The following SDK1 variants were observed in gnomAD, a reference collection of about 807,000 sequenced individuals.
SDK1 encodes the protein sidekick cell adhesion molecule 1.
SDK1 carries 157 observed loss-of-function variants against 245.5 expected under a neutral mutation model. That is an observed-to-expected ratio of 0.64 (90% CI 0.56 to 0.73). The LOEUF (loss-of-function observed/expected upper bound fraction) is 0.73, where lower values mean the gene tolerates loss of function less well. SDK1 is among the 30% of genes least tolerant of loss of function. The pLI is 0.00. For synonymous variants in SDK1, 1,647 were observed against 1,278.5 expected, an observed-to-expected ratio of 1.29 and a Z score of -6.15; for missense variants, 3,583 against 3,002.3, an observed-to-expected ratio of 1.19 and a Z score of -4.52.
At chr7:4,004,599 C>T (rs1310233965) in intron 14 of SDK1, among the ~76,000 whole-genome samples, 2 of 152,140 alleles carry the variant, frequency 1.3e-5, no homozygotes, top group Non-Finnish European at 2.9e-5. Context: ...GTACTAAATA[C>T]ACACAAAAAT....
chr7:4,267,827 C>G lies in SDK1; in HGVS notation c.*2443C>G. Reference sequence around the variant, plus strand: ...GGCCTGTCCGAGGCTACGCCGGCCTCCTGGCTGCTGCTGGACTGTGCTTAG... The same window carrying G: ...GGCCTGTCCGAGGCTACGCCGGCCTGCTGGCTGCTGCTGGACTGTGCTTAG... On this transcript the variant is annotated 3_prime_UTR_variant, in exon 45 of 45. Transcript: ENST00000404826. The G allele has an allele frequency of 3.0e-6, 3 of 985,638 alleles. No individual in the cohort carries two copies. Among genetic ancestry groups the G allele is most frequent in the Non-Finnish European group, 3.6e-6 (3 of 830,088 alleles). The allele number at this position is 985,638 out of a possible 1,614,324, so 61.1% of individuals were successfully genotyped here. A position where few individuals can be genotyped will look rare whatever the true frequency, so the allele number is the denominator to read the frequency against.
At chr7:3,540,269 T>C (rs1162610581) in intron 1 of SDK1, among the ~76,000 whole-genome samples, 1 of 152,172 alleles carries the variant, frequency 6.6e-6, no homozygotes, top group Non-Finnish European at 1.5e-5. Context: ...TAGCCAGACA[T>C]GGTTGCAGTC....
At position 3,875,369 on chromosome 7, in the gene SDK1, A is replaced by G. The variant is rs557137626; in HGVS notation, c.847+53786A>G. ...AAGTTTGCTGTAGCCAGTTTCTGCC[A>G]CTTACCTTTTAAGTCACTCTCAGAA... On this transcript the variant is annotated intron_variant, in intron 5 of 44. Transcript: ENST00000404826. Among the ~76,000 whole-genome samples, 328 of 152,318 alleles carry G rather than the reference A, an allele frequency of 2.2e-3. 1 individual carries two copies. Among genetic ancestry groups the G allele is most frequent in the African/African-American group, 7.6e-3 (317 of 41,574 alleles).
At chr7:4,089,093 A>G (rs6942675) in intron 22 of SDK1, among the ~76,000 whole-genome samples, 29 of 137,808 alleles carry the variant, frequency 2.1e-4, no homozygotes, top group South Asian at 1.3e-3. Flanking sequence ...AGGCGGAGGT[A>G]AGACCCTCTC....
At chr7:4,211,433 G>A (rs1784507104) in intron 38 of SDK1, among the ~76,000 whole-genome samples, 1 of 152,056 alleles carries the variant, frequency 6.6e-6, no homozygotes, top group Non-Finnish European at 1.5e-5. Flanking sequence ...GAAGGGTGCG[G>A]GGGCAGGGGA....
intron 35 of SDK1, 79 bp downstream of exon 35, chr7:4,178,665 C>T (rs1782408841): frequency 6.1e-6 from 6 of 985,112 alleles, no homozygotes; most frequent in Non-Finnish European, 9.6e-6. Context: ...GCGGCCAAGC[C>T]CCTCAGGTGT....
chr7:3,687,024 A>G (rs919960972), intron 4 of SDK1, among the ~76,000 whole-genome samples: 13 of 147,590 alleles, frequency 8.8e-5, no homozygotes, highest in African/African-American at 3.4e-4. Context: ...GCTTCTAGCC[A>G]GAATCTCCAA....
intron 5 of SDK1, among the ~76,000 whole-genome samples, chr7:3,936,502 G>C (rs1296182191): frequency 6.6e-6 from 1 of 151,604 alleles, no homozygotes. Context: ...GGAGAAACAC[G>C]TGAACCCGTG....
chr7:4,012,544 T>A (rs1400070803), intron 16 of SDK1, among the ~76,000 whole-genome samples: 5 of 127,456 alleles, frequency 3.9e-5, no homozygotes, highest in Non-Finnish European at 8.1e-5. Flanking sequence ...TTGTTCAATG[T>A]GAAGCTTTTT....
intron 1 of SDK1, among the ~76,000 whole-genome samples, chr7:3,510,392 C>G (rs555224606): frequency 4.6e-5 from 7 of 152,110 alleles, no homozygotes; most frequent in Non-Finnish European, 8.8e-5. Flanking sequence ...TAGTTATGTT[C>G]CATGTAGTTG....
intron 1 of SDK1, among the ~76,000 whole-genome samples, chr7:3,617,600 A>G (rs963718046): frequency 7.2e-5 from 11 of 152,324 alleles, no homozygotes; most frequent in African/African-American, 2.4e-4. Flanking sequence ...ACAGTTCAAC[A>G]ACATGGCAGT....
At chr7:3,653,332 A>C (rs1036890993) in intron 4 of SDK1, among the ~76,000 whole-genome samples, 5 of 152,144 alleles carry the variant, frequency 3.3e-5, no homozygotes, top group Non-Finnish European at 7.4e-5. Context: ...TGTTTTCTTG[A>C]AAAACTCGGT....
chr7:3,818,553 A>G (rs1292942503), intron 4 of SDK1, among the ~76,000 whole-genome samples: 1 of 152,236 alleles, frequency 6.6e-6, no homozygotes, highest in East Asian at 1.9e-4. Flanking sequence ...ACTTATTTGC[A>G]GTGCATAGAA....
At chr7:3,639,572 T>C (rs1256706562) in intron 3 of SDK1, among the ~76,000 whole-genome samples, 2 of 152,182 alleles carry the variant, frequency 1.3e-5, no homozygotes, top group Non-Finnish European at 2.9e-5. Flanking sequence ...ATTCATGTGA[T>C]AGTGATTTAT....
At chr7:3,809,005 G>T (rs1382904333) in intron 4 of SDK1, among the ~76,000 whole-genome samples, 1 of 152,086 alleles carries the variant, frequency 6.6e-6, no homozygotes, top group African/African-American at 2.4e-5. Context: ...GGGTTATTAG[G>T]CTGTTCTTGC....
At chr7:3,437,241 T>G (rs761623235) in intron 1 of SDK1, among the ~76,000 whole-genome samples, 18 of 150,192 alleles carry the variant, frequency 1.2e-4, no homozygotes, top group Admixed American at 5.3e-4. Flanking sequence ...GTAATAAAAG[T>G]TTTTTTTTCT....
chr7:4,131,521 C>T (rs138406566), intron 27 of SDK1, among the ~76,000 whole-genome samples: 141 of 152,334 alleles, frequency 9.3e-4, no homozygotes, highest in African/African-American at 3.2e-3. Context: ...CGGCCCAGAA[C>T]GACGAACATA....
At chr7:4,157,226 A>G (rs1780789854) in intron 30 of SDK1, among the ~76,000 whole-genome samples, 1 of 151,372 alleles carries the variant, frequency 6.6e-6, no homozygotes, top group Admixed American at 6.6e-5. Context: ...CAGGAGACCC[A>G]TTGCATGTGG....
chr7:3,357,576 G>A (rs1283451145), intron 1 of SDK1, among the ~76,000 whole-genome samples: 1 of 151,242 alleles, frequency 6.6e-6, no homozygotes, highest in African/African-American at 2.4e-5. Context: ...TTGAACACCT[G>A]TGCTCAAGCA....
Sources: gnomAD v4.1 joint callset for allele counts (sites outside exome capture counted in the v4.1 genomes callset) on GRCh38, gnomAD v4.1.1 for gene constraint, MANE v1.5 for transcripts, NCBI Gene and HGNC (gene_info 2026-07-23, HGNC 2026-07-21) for gene names.